DENND4A: variants seen among roughly 807,000 people sequenced by gnomAD.
The protein encoded by DENND4A is DENN domain containing 4A.
Under a neutral mutation model 199.3 loss-of-function variants are expected in DENND4A, and 70 were observed. That is an observed-to-expected ratio of 0.35 (90% CI 0.29 to 0.43). DENND4A has a LOEUF of 0.43. Among genes scored for constraint, DENND4A ranks in the 20% least tolerant of loss-of-function variants. DENND4A has a pLI of 1.00. For synonymous variants in DENND4A, 686 were observed against 766.9 expected (o/e 0.89, Z 1.74); for missense variants, 1,723 against 2,255.8 (o/e 0.76, Z 4.78).
At chr15:65,687,070 C>A (rs1474697991) in intron 23 of DENND4A, among the ~76,000 whole-genome samples, 1 of 152,084 alleles carries the variant, frequency 6.6e-6, no homozygotes, top group Non-Finnish European at 1.5e-5. Flanking sequence ...TAGATCTAGT[C>A]TATTTCTCTG....
intron 15 of DENND4A, among the ~76,000 whole-genome samples, chr15:65,705,628 A>C (rs192649594): frequency 6.6e-6 from 1 of 152,212 alleles, no homozygotes; most frequent in Non-Finnish European, 1.5e-5. Context: ...TCATGAAAAA[A>C]ATTAGTAACT....
chr15:65,720,632 G>A (rs1000573154), intron 12 of DENND4A, among the ~76,000 whole-genome samples: 4 of 145,996 alleles, frequency 2.7e-5, no homozygotes, highest in South Asian at 2.3e-4. Context: ...GGCTGGTCTC[G>A]AACTCCTGAC....
intron 14 of DENND4A, among the ~76,000 whole-genome samples, chr15:65,706,715 C>T (rs760221583): frequency 2.2e-4 from 33 of 152,170 alleles, no homozygotes; most frequent in African/African-American, 7.5e-4. Flanking sequence ...AGGACGGTCT[C>T]GATCTCTTGA....
chr15:65,707,934 C>A (rs1398809000), intron 14 of DENND4A, among the ~76,000 whole-genome samples: 1 of 152,104 alleles, frequency 6.6e-6, no homozygotes, highest in Non-Finnish European at 1.5e-5. Context: ...GATCCGCCTG[C>A]CTTGGCCTCC....
intron 1 of DENND4A, among the ~76,000 whole-genome samples, chr15:65,782,436 T>C (rs2077458609): frequency 1.3e-5 from 2 of 152,170 alleles, no homozygotes. Context: ...TTCATTACCC[T>C]TACTACTCTT....
chr15:65,742,845 C>G (rs996478462), intron 4 of DENND4A, among the ~76,000 whole-genome samples: 1 of 152,068 alleles, frequency 6.6e-6, no homozygotes, highest in Non-Finnish European at 1.5e-5. Flanking sequence ...GTTTTCTTCA[C>G]CACTGTACTC....
At chr15:65,684,581 G>A (rs1158680832) in intron 23 of DENND4A, among the ~76,000 whole-genome samples, 2 of 152,142 alleles carry the variant, frequency 1.3e-5, no homozygotes, top group Non-Finnish European at 2.9e-5. Flanking sequence ...TGAGCTGTGT[G>A]AGTTGTTTGT....
intron 7 of DENND4A, among the ~76,000 whole-genome samples, chr15:65,733,835 T>C (rs929735482): frequency 1.3e-5 from 2 of 152,230 alleles, no homozygotes; most frequent in Admixed American, 1.3e-4. Context: ...CAGGGTTAAA[T>C]AGATTAAGGG....
intron 1 of DENND4A, among the ~76,000 whole-genome samples, chr15:65,770,024 G>T (rs887551342): frequency 6.6e-6 from 1 of 151,824 alleles, no homozygotes; most frequent in Non-Finnish European, 1.5e-5. Context: ...TTACTCAATG[G>T]TGAATAGATT....
intron 1 of DENND4A, among the ~76,000 whole-genome samples, chr15:65,768,388 G>C (rs924381192): frequency 2.0e-5 from 3 of 151,958 alleles, no homozygotes; most frequent in African/African-American, 7.3e-5. Flanking sequence ...TACAACTCCA[G>C]GAATTATCAC....
intron 14 of DENND4A, among the ~76,000 whole-genome samples, chr15:65,710,583 C>A (rs906559613): frequency 1.3e-5 from 2 of 150,778 alleles, no homozygotes; most frequent in Non-Finnish European, 3.0e-5. Flanking sequence ...TCTTTATATA[C>A]AAAAAAAAAC....
chr15:65,700,598 G>T lies in DENND4A; in HGVS notation c.2779C>A (p.Pro927Thr), dbSNP rs775544816. 1.3e-5 allele frequency: 20 copies of T among 1,546,190 alleles called. No homozygotes were observed. The South Asian group carries it at 2.4e-4, about 19-fold the overall frequency. ...ACTTTGATTAAACCCGTATTAAAAGGTGCCTGCTCCACAGTGTGTGTCCCA... is the reference window on the plus strand; with the variant it reads ...ACTTTGATTAAACCCGTATTAAAAGTTGCCTGCTCCACAGTGTGTGTCCCA... ...GHGTHTVEQAPFNTGLIKVYA... is the reference protein window; with the variant it reads ...GHGTHTVEQATFNTGLIKVYA... Residue 927 changes from proline (P) to threonine (T), a missense_variant, in exon 20 of 33, where the codon CCT becomes ACT. Pro to Thr is a conservative substitution (Grantham distance 38, BLOSUM62 -1). Coordinates refer to ENST00000443035, the MANE Select transcript of DENND4A (RefSeq NM_001320835.1).
Position 65,691,370 on chromosome 15 carries a change from T to C in DENND4A, c.3224A>G (p.Asn1075Ser). The C allele has an allele frequency of 6.2e-7, 1 of 1,613,642 alleles. No individual in the cohort carries two copies. The highest frequency in any genetic ancestry group is 8.5e-7 in the Non-Finnish European group (1 of 1,179,732). The change falls in exon 23 of 33, where the codon AAC becomes AGC. Residue 1075 changes from asparagine (N) to serine (S), a missense_variant. Physicochemically the swap from Asn to Ser is conservative, Grantham distance 46. Around this residue, in one of 6 missense-constraint regions of DENND4A, gnomAD observed 650 missense variants for 738.1 expected, o/e 0.88. Transcript: ENST00000443035. The part of the protein sequence containing the change: ...LQQQVVWGNR[N>S]RNLSGGVLMG... The stretch of plus-strand genomic sequence containing the variant: ...CAGTACCCCTCCACTAAGATTACGG[T>C]TTCTATTTCCCCAGACCACTTGCTG...
chr15:65,769,079 T>C (rs1596657018), intron 1 of DENND4A, among the ~76,000 whole-genome samples: 1 of 151,994 alleles, frequency 6.6e-6, no homozygotes, highest in South Asian at 2.1e-4. Context: ...TGGTTTCCAA[T>C]GTGAGGCTGT....
chr15:65,691,358 C>T lies in DENND4A; in HGVS notation c.3236G>A (p.Ser1079Asn), dbSNP rs1332376896. 1 of 1,613,608 alleles carries T rather than the reference C, an allele frequency of 6.2e-7. No individual in the cohort carries two copies. The highest frequency in any genetic ancestry group is 1.1e-5 in the South Asian group (1 of 91,068). Residue 1079 changes from serine to asparagine, a missense_variant, in exon 23 of 33, where the codon AGT (serine) becomes AAT (asparagine). Ser to Asn is a conservative substitution (Grantham distance 46). Transcript: ENST00000443035. ...CATAAATCCCATCAGTACCCCTCCA[C>T]TAAGATTACGGTTTCTATTTCCCCA... Reference protein sequence around the residue: ...VVWGNRNRNLSGGVLMGFMLN... With the variant: ...VVWGNRNRNLNGGVLMGFMLN...
At chr15:65,676,141 A>AAAAAAAATATATATATATATATATAT (rs1362535499) in intron 24 of DENND4A, among the ~76,000 whole-genome samples, 1 of 110,450 alleles carries the variant, frequency 9.1e-6, no homozygotes, top group Non-Finnish European at 1.9e-5. Context: ...AATAAGGAAA[A>AAAAAAAATATATATATATATATATAT]ATATATATAT....
intron 13 of DENND4A, 22 bp downstream of exon 13, chr15:65,717,756 T>A (rs2075454248): frequency 3.2e-6 from 5 of 1,555,186 alleles, no homozygotes; most frequent in Non-Finnish European, 4.3e-6. Context: ...CCTGAAAGCT[T>A]TAAAACTATG....
At chr15:65,685,072 C>G (rs1215968136) in intron 23 of DENND4A, among the ~76,000 whole-genome samples, 4 of 151,926 alleles carry the variant, frequency 2.6e-5, no homozygotes, top group Non-Finnish European at 5.9e-5. Flanking sequence ...GGGGATCTGC[C>G]CGCCTCAGCC....
intron 23 of DENND4A, among the ~76,000 whole-genome samples, chr15:65,688,496 C>T (rs1311711986): frequency 6.6e-6 from 1 of 152,226 alleles, no homozygotes; most frequent in African/African-American, 2.4e-5. Context: ...CTTGTTTCAG[C>T]AGGCAAACAC....
Sources: allele counts gnomAD v4.1 joint callset (sites outside exome capture counted in the v4.1 genomes callset), GRCh38; gene constraint gnomAD v4.1.1; regional missense constraint gnomAD v4.1.1; transcripts MANE v1.5; gene names NCBI Gene and HGNC (gene_info 2026-07-23, HGNC 2026-07-21).